The following SH3GL2 variants were observed in gnomAD, a reference collection of about 807,000 sequenced individuals.
The protein encoded by SH3GL2 is SH3 domain containing GRB2 like 2, endophilin A1, also known as endophilin-A1.
In SH3GL2, 24 loss-of-function variants were observed where a neutral mutation model predicts 46.0. The ratio of observed to expected loss-of-function variants is 0.52; its 90% CI spans 0.38 to 0.73. SH3GL2 has a LOEUF of 0.73. Ranked by LOEUF, SH3GL2 falls within the 30% of genes least tolerant of loss-of-function variation. SH3GL2 has a pLI of 0.00. For synonymous variants in SH3GL2, 196 were observed against 147.1 expected (o/e 1.33, Z -2.40); for missense variants, 413 against 424.2 (o/e 0.97, Z 0.23).
intron 1 of SH3GL2, among the ~76,000 whole-genome samples, chr9:17,688,207 C>A (rs1820975013): frequency 1.3e-5 from 2 of 151,978 alleles, no homozygotes; most frequent in African/African-American, 4.8e-5. Flanking sequence ...CCATTGAGTT[C>A]AATTTTATGG....
intron 3 of SH3GL2, among the ~76,000 whole-genome samples, chr9:17,780,500 T>C (rs1823775512): frequency 6.7e-6 from 1 of 148,878 alleles, no homozygotes; most frequent in South Asian, 2.1e-4. Flanking sequence ...TTTATTATAC[T>C]CTAAGTTTTA....
chr9:17,696,229 T>C (rs1821199055), intron 1 of SH3GL2, among the ~76,000 whole-genome samples: 1 of 152,208 alleles, frequency 6.6e-6, no homozygotes, highest in Non-Finnish European at 1.5e-5. Flanking sequence ...TCTAGCTTTA[T>C]AACTCAAGGA....
rs750805579 is a variant in SH3GL2 at position 17,787,362 on chromosome 9, A to G, written c.332-18A>G. On this transcript the variant is annotated intron_variant, in intron 4 of 8. Coordinates refer to ENST00000380607, the MANE Select transcript of SH3GL2 (RefSeq NM_003026.5). ...TCATCTTTATTCTGTAACATGAAAGAGCTTTATTCTCTCCTAGGCCCAGCA... is the reference window on the plus strand; with the variant it reads ...TCATCTTTATTCTGTAACATGAAAGGGCTTTATTCTCTCCTAGGCCCAGCA... 4 of 1,603,694 alleles carry G rather than the reference A, an allele frequency of 2.5e-6. No individual in the cohort carries two copies. The African/African-American group carries it at 4.0e-5, about 16-fold the overall frequency.
intron 2 of SH3GL2, among the ~76,000 whole-genome samples, chr9:17,758,599 C>T (rs1330639564): frequency 1.5e-5 from 1 of 65,440 alleles, no homozygotes; most frequent in Non-Finnish European, 3.5e-5. Flanking sequence ...AAAAAAATTG[C>T]AGTCAGTAGC....
intron 3 of SH3GL2, among the ~76,000 whole-genome samples, chr9:17,785,511 T>C (rs1275191440): frequency 6.6e-6 from 1 of 152,174 alleles, no homozygotes; most frequent in East Asian, 1.9e-4. Context: ...TAAGCTGTGA[T>C]TCTATCTGGG....
chr9:17,671,837 A>C (rs568199568), intron 1 of SH3GL2, among the ~76,000 whole-genome samples: 44 of 152,318 alleles, frequency 2.9e-4, no homozygotes, highest in Non-Finnish European at 6.2e-4. Context: ...TTGAGACAAC[A>C]ACCAAGGACT....
intron 1 of SH3GL2, among the ~76,000 whole-genome samples, chr9:17,678,998 T>C (rs1351983408): frequency 6.6e-6 from 1 of 152,188 alleles, no homozygotes; most frequent in East Asian, 1.9e-4. Flanking sequence ...TATATCTCTA[T>C]TTTGGTACCA....
At chr9:17,689,658 G>T (rs1175634143) in intron 1 of SH3GL2, among the ~76,000 whole-genome samples, 2 of 151,894 alleles carry the variant, frequency 1.3e-5, no homozygotes, top group South Asian at 4.2e-4. Flanking sequence ...AATATGCAAG[G>T]TTATTCCTGC....
intron 1 of SH3GL2, among the ~76,000 whole-genome samples, chr9:17,713,398 C>T (rs1041907513): frequency 4.6e-5 from 7 of 150,998 alleles, no homozygotes; most frequent in Non-Finnish European, 8.9e-5. Context: ...TTTTTTATTT[C>T]ACTGATTTTT....
At chr9:17,769,129 T>C (rs566482156) in intron 3 of SH3GL2, among the ~76,000 whole-genome samples, 18 of 152,326 alleles carry the variant, frequency 1.2e-4, no homozygotes, top group East Asian at 5.8e-4. Context: ...ACCATCTTGT[T>C]TAAAACATCA....
rs567018843 is a variant in SH3GL2 at position 17,711,971 on chromosome 9, A to C, written c.46-35095A>C. On this transcript the variant is annotated intron_variant, in intron 1 of 8. Transcript: ENST00000380607. ...TCTGTTGCTCTACACCCTCACTAAT[A>C]CTTGGCATGGCAGACTTTTTAGTTT... Among the ~76,000 whole-genome samples the C allele has an allele frequency of 1.4e-4, 21 of 151,920 alleles. 1 individual carries two copies. The South Asian group carries it at 4.1e-3, about 30-fold the overall frequency.
chr9:17,768,097 C>G (rs1005234724), intron 3 of SH3GL2, among the ~76,000 whole-genome samples: 1 of 152,096 alleles, frequency 6.6e-6, no homozygotes, highest in Admixed American at 6.5e-5. Context: ...CAGGGCTGGG[C>G]ACAGTAGCTC....
intron 1 of SH3GL2, among the ~76,000 whole-genome samples, chr9:17,643,897 A>G (rs1338808436): frequency 6.6e-6 from 1 of 152,188 alleles, no homozygotes; most frequent in Non-Finnish European, 1.5e-5. Context: ...GAATAGTTTC[A>G]GAAGGAATGG....
intron 1 of SH3GL2, among the ~76,000 whole-genome samples, chr9:17,668,949 T>C (rs1303491257): frequency 6.6e-6 from 1 of 152,206 alleles, no homozygotes; most frequent in Non-Finnish European, 1.5e-5. Flanking sequence ...TGAGTCACCA[T>C]GCCTGGCCAG....
intron 3 of SH3GL2, among the ~76,000 whole-genome samples, chr9:17,762,122 TAGCAA>T (rs375228746): frequency 4.1e-4 from 63 of 152,226 alleles, no homozygotes; most frequent in East Asian, 1.5e-3. Flanking sequence ...GCACTAGGTA[TAGCAA>T]AGCAAAGCAA....
intron 3 of SH3GL2, among the ~76,000 whole-genome samples, chr9:17,782,018 C>A (rs946675614): frequency 2.0e-5 from 3 of 152,108 alleles, no homozygotes; most frequent in African/African-American, 7.2e-5. Flanking sequence ...TTTCAGAGTC[C>A]CCCTAGACAT....
At chr9:17,639,894 G>C (rs972397599) in intron 1 of SH3GL2, among the ~76,000 whole-genome samples, 19 of 152,052 alleles carry the variant, frequency 1.2e-4, no homozygotes, top group Non-Finnish European at 2.1e-4. Flanking sequence ...AATAAATACT[G>C]TTCAATTTCA....
chr9:17,666,770 T>A (rs2117929272), intron 1 of SH3GL2, among the ~76,000 whole-genome samples: 1 of 152,232 alleles, frequency 6.6e-6, no homozygotes, highest in South Asian at 2.1e-4. Context: ...TTTGGGTAAC[T>A]TCCTGGAAGT....
At chr9:17,697,020 T>C (rs1264000651) in intron 1 of SH3GL2, among the ~76,000 whole-genome samples, 1 of 150,850 alleles carries the variant, frequency 6.6e-6, no homozygotes, top group Non-Finnish European at 1.5e-5. Context: ...AAGTCCAGTG[T>C]TGGAACCTTG....
Sources: gnomAD v4.1 joint callset for allele counts (sites outside exome capture counted in the v4.1 genomes callset) on GRCh38, gnomAD v4.1.1 for gene constraint, MANE v1.5 for transcripts, NCBI Gene and HGNC (gene_info 2026-07-23, HGNC 2026-07-21) for gene names.